Variants in ANO3 observed in about 807,000 individuals in gnomAD.
ANO3 encodes anoctamin-3.
Under a neutral mutation model 144.8 loss-of-function variants are expected in ANO3, and 99 were observed. That is an observed-to-expected ratio of 0.68 (90% CI 0.58 to 0.81). ANO3 has a LOEUF of 0.81. ANO3 is among the 30% of genes least tolerant of loss of function. The pLI, the probability that ANO3 is intolerant of heterozygous loss-of-function variation, is 0.00. For missense variants in ANO3, 905 were observed against 1,202.2 expected (o/e 0.75, Z 3.66); for synonymous variants, 414 against 392.6 (o/e 1.05, Z -0.64).
chr11:26,401,280 T>C (rs16915635), intron 1 of ANO3, among the ~76,000 whole-genome samples: 3,707 of 152,092 alleles, frequency 0.024, 64 homozygotes, highest in Middle Eastern at 0.048. Flanking sequence ...ATTCCCTCCA[T>C]TTATTATCCT....
In ANO3 at chr11:26,508,275, C is replaced by T. The variant is rs757979465; in HGVS notation, c.591+13C>T. 4 of 1,572,392 alleles carry T rather than the reference C, an allele frequency of 2.5e-6. No individual in the cohort carries two copies. Among genetic ancestry groups the T allele is most frequent in the Non-Finnish European group, 3.4e-6 (4 of 1,167,748 alleles). On this transcript the variant is annotated intron_variant, in intron 5 of 26. Coordinates refer to ENST00000256737, the MANE Select transcript of ANO3 (RefSeq NM_031418.4). ...GTTGGAGAAGGAGGTAGGTGCTTTA[C>T]TATTATTAGTTATGTGATAAAATGT...
At chr11:26,488,538 C>G (rs1389118252) in intron 4 of ANO3, among the ~76,000 whole-genome samples, 1 of 152,172 alleles carries the variant, frequency 6.6e-6, no homozygotes, top group African/African-American at 2.4e-5. Flanking sequence ...TCAGATGCCT[C>G]CGGACTTTCT....
At chr11:26,491,301 GT>G in intron 4 of ANO3, among the ~76,000 whole-genome samples, 1 of 152,238 alleles carries the variant, frequency 6.6e-6, no homozygotes, top group East Asian at 1.9e-4. Flanking sequence ...TCTCTAATTT[GT>G]CTAGCCTGTA....
chr11:26,333,518 G>A (rs756206605), intron 1 of ANO3, among the ~76,000 whole-genome samples: 109 of 152,050 alleles, frequency 7.2e-4, no homozygotes, highest in Non-Finnish European at 1.1e-3. Flanking sequence ...TCCTGACCTC[G>A]TGATCCGCCC....
intron 7 of ANO3, among the ~76,000 whole-genome samples, chr11:26,530,555 T>TTA (rs1849343001): frequency 7.0e-6 from 1 of 143,796 alleles, no homozygotes; most frequent in Non-Finnish European, 1.5e-5. Context: ...ATTTTGCGCT[T>TTA]AAAAAAAAAA....
intron 17 of ANO3, among the ~76,000 whole-genome samples, chr11:26,615,609 C>A (rs1852236117): frequency 6.6e-6 from 1 of 151,916 alleles, no homozygotes; most frequent in South Asian, 2.1e-4. Context: ...AAATGAGTAA[C>A]CTCTCTAGTG....
chr11:26,355,751 G>A (rs2133918246), intron 1 of ANO3, among the ~76,000 whole-genome samples: 1 of 151,968 alleles, frequency 6.6e-6, no homozygotes, highest in Admixed American at 6.5e-5. Flanking sequence ...GTAGAGACGG[G>A]GTTTCACCAT....
chr11:26,367,148 C>A (rs4378340), intron 1 of ANO3, among the ~76,000 whole-genome samples: 144,531 of 152,238 alleles, frequency 0.95, 68,655 homozygotes, highest in East Asian at 1. Context: ...TAAAACCATA[C>A]AAACCCTAGA....
intron 1 of ANO3, among the ~76,000 whole-genome samples, chr11:26,245,660 A>C (rs990136453): frequency 6.6e-6 from 1 of 152,240 alleles, no homozygotes; most frequent in African/African-American, 2.4e-5. Flanking sequence ...TTTGCTAAAA[A>C]GTCAACTGTA....
At chr11:26,302,819 C>T (rs938867434) in intron 1 of ANO3, among the ~76,000 whole-genome samples, 5 of 151,904 alleles carry the variant, frequency 3.3e-5, no homozygotes, top group African/African-American at 1.2e-4. Context: ...CTATTAGCAC[C>T]AGTAATATAT....
chr11:26,242,578 T>C (rs933509907), intron 1 of ANO3, among the ~76,000 whole-genome samples: 5 of 152,060 alleles, frequency 3.3e-5, no homozygotes, highest in African/African-American at 1.2e-4. Context: ...CATTAATAAT[T>C]TTCTATCTAC....
At chr11:26,193,133 TATC>T (rs1473440560) in intron 1 of ANO3, among the ~76,000 whole-genome samples, 3 of 136,584 alleles carry the variant, frequency 2.2e-5, no homozygotes, top group Non-Finnish European at 3.1e-5. Flanking sequence ...TGATTTTGCC[TATC>T]TTTTTTTTTT....
chr11:26,217,293 T>A (rs540170874), intron 1 of ANO3, among the ~76,000 whole-genome samples: 1 of 152,048 alleles, frequency 6.6e-6, no homozygotes, highest in African/African-American at 2.4e-5. Context: ...CCAGCAGGGA[T>A]TGGATGCAAG....
chr11:26,566,505 G>A (rs1850590284), intron 14 of ANO3, among the ~76,000 whole-genome samples: 1 of 151,788 alleles, frequency 6.6e-6, no homozygotes, highest in Non-Finnish European at 1.5e-5. Flanking sequence ...GAATTTGAAT[G>A]TATCCCTTTT....
intron 1 of ANO3, among the ~76,000 whole-genome samples, chr11:26,332,558 A>T (rs1262305118): frequency 6.6e-6 from 1 of 151,130 alleles, no homozygotes; most frequent in Non-Finnish European, 1.5e-5. Flanking sequence ...GACTTGACTT[A>T]ATGTATATCT....
intron 3 of ANO3, among the ~76,000 whole-genome samples, chr11:26,461,761 T>G (rs1859404220): frequency 6.6e-6 from 1 of 152,090 alleles, no homozygotes; most frequent in Non-Finnish European, 1.5e-5. Context: ...GTTTAGTGAC[T>G]TTGGCATGTT....
chr11:26,490,170 T>C (rs765966871), intron 4 of ANO3, among the ~76,000 whole-genome samples: 34 of 152,264 alleles, frequency 2.2e-4, no homozygotes, highest in South Asian at 4.1e-4. Flanking sequence ...GCTATTCTTG[T>C]GATAGTGAAT....
At chr11:26,336,287 T>G (rs1217267377) in intron 1 of ANO3, among the ~76,000 whole-genome samples, 1 of 152,174 alleles carries the variant, frequency 6.6e-6, no homozygotes, top group Non-Finnish European at 1.5e-5. Context: ...AGACTTTTCA[T>G]AGAACCATAG....
intron 4 of ANO3, among the ~76,000 whole-genome samples, chr11:26,484,448 G>A (rs1415311582): frequency 6.6e-6 from 1 of 152,134 alleles, no homozygotes; most frequent in African/African-American, 2.4e-5. Context: ...GCTTCCATGT[G>A]GTGTTAAGCC....
Sources: gnomAD v4.1 joint callset for allele counts (sites outside exome capture counted in the v4.1 genomes callset) on GRCh38, gnomAD v4.1.1 for gene constraint, MANE v1.5 for transcripts, NCBI Gene and HGNC (gene_info 2026-07-23, HGNC 2026-07-21) for gene names.